Variants in TRPM3 observed in about 807,000 individuals in gnomAD.
TRPM3 encodes the protein long transient receptor potential channel 3.
TRPM3 carries 77 observed loss-of-function variants against 181.2 expected under a neutral mutation model. The ratio of observed to expected loss-of-function variants is 0.42; its 90% CI spans 0.35 to 0.51. TRPM3 has a LOEUF of 0.51. Among genes scored for constraint, TRPM3 ranks in the 20% least tolerant of loss-of-function variants. The probability of loss-of-function intolerance (pLI) is 0.01; values close to 1 mark genes in which losing one functional copy is unlikely to be tolerated. For missense variants in TRPM3, 1,759 were observed against 2,196.7 expected (o/e 0.80, Z 3.98); for synonymous variants, 745 against 796.4 (o/e 0.94, Z 1.09).
At chr9:71,126,611 CT>C (rs2074045348), upstream of TRPM3, among the ~76,000 whole-genome samples, 1 of 152,074 alleles carries the variant, frequency 6.6e-6, no homozygotes, top group South Asian at 2.1e-4. Flanking sequence ...TATATTTCCC[CT>C]TTTGCCATCT....
At chr9:70,871,573 C>T (rs1279072827) in intron 1 of TRPM3, among the ~76,000 whole-genome samples, 1 of 151,998 alleles carries the variant, frequency 6.6e-6, no homozygotes, top group Non-Finnish European at 1.5e-5. Flanking sequence ...CAGGTGAGCA[C>T]AGCAACTTTT....
At chr9:70,838,057 T>C (rs754794417) in intron 5 of TRPM3, among the ~76,000 whole-genome samples, 1 of 152,206 alleles carries the variant, frequency 6.6e-6, no homozygotes, top group Non-Finnish European at 1.5e-5. Flanking sequence ...ATTGTGGTTA[T>C]GCTCATAGAA....
chr9:71,154,757 T>A lies in TRPM3; in HGVS notation c.184-290246A>T, dbSNP rs535308412. Among the ~76,000 whole-genome samples the A allele has an allele frequency of 3.3e-5, 5 of 152,208 alleles. No individual in the cohort carries two copies. In the South Asian group the frequency reaches 1.0e-3, roughly 32 times the overall value. ...TCATCCCCTACTACTCAACTTCCCA[T>A]CTCTACAAAAGGAATTTTTCCCAAC... is the stretch of plus-strand genomic sequence containing the variant. On this transcript the variant is annotated intron_variant, in intron 1 of 24. Coordinates refer to the TRPM3 transcript ENST00000357533.
intron 1 of TRPM3, among the ~76,000 whole-genome samples, chr9:71,427,768 G>C (rs1307017928): frequency 6.6e-6 from 1 of 152,130 alleles, no homozygotes; most frequent in Non-Finnish European, 1.5e-5. Flanking sequence ...GGGAGGAGGA[G>C]GCAGGGGGCC....
Position 71,153,765 on chromosome 9 carries a change from T to G in TRPM3, c.184-289254A>C, listed in dbSNP as rs1302796972. On this transcript the variant is annotated intron_variant, in intron 1 of 24. Coordinates refer to the TRPM3 transcript ENST00000357533. The stretch of plus-strand genomic sequence containing the variant: ...CAGAGTGATTTGCACCCTCATTGAC[T>G]TGACCCAGAAGGCCATGCTTTTTCA... Among the ~76,000 whole-genome samples the G allele has an allele frequency of 2.0e-5, 3 of 152,132 alleles. No homozygotes were observed. The East Asian group carries it at 5.8e-4, about 29-fold the overall frequency.
chr9:71,391,968 G>C, intron 1 of TRPM3, among the ~76,000 whole-genome samples: 1 of 152,176 alleles, frequency 6.6e-6, no homozygotes, highest in East Asian at 1.9e-4. Context: ...AAAATTTAAA[G>C]ATAGAAGTTA....
At chr9:71,148,580 G>GA (rs1443292417) in intron 1 of TRPM3, among the ~76,000 whole-genome samples, 1 of 152,066 alleles carries the variant, frequency 6.6e-6, no homozygotes, top group African/African-American at 2.4e-5. Context: ...CTGACACCTG[G>GA]AAAATCTTAG....
intron 1 of TRPM3, among the ~76,000 whole-genome samples, chr9:71,387,017 T>C (rs2092939427): frequency 6.6e-6 from 1 of 152,222 alleles, no homozygotes; most frequent in Admixed American, 6.5e-5. Context: ...GCTCAACTGA[T>C]GGTTCTTACA....
intron 1 of TRPM3, among the ~76,000 whole-genome samples, chr9:71,390,766 A>C (rs1435937455): frequency 1.3e-5 from 2 of 152,086 alleles, no homozygotes; most frequent in African/African-American, 2.4e-5. Flanking sequence ...CAGCATGGTC[A>C]CTGTACTAGT....
chr9:71,354,973 T>G (rs2091834849), intron 1 of TRPM3, among the ~76,000 whole-genome samples: 1 of 152,258 alleles, frequency 6.6e-6, no homozygotes, highest in South Asian at 2.1e-4. Flanking sequence ...TTATTTGTTT[T>G]ACATCTATAG....
At chr9:70,578,150 C>T (rs2054547470) in intron 22 of TRPM3, among the ~76,000 whole-genome samples, 1 of 152,120 alleles carries the variant, frequency 6.6e-6, no homozygotes, top group African/African-American at 2.4e-5. Context: ...GTAAATATAA[C>T]TATTGAATCT....
intron 25 of TRPM3, among the ~76,000 whole-genome samples, chr9:70,543,485 C>A (rs889584266): frequency 6.6e-6 from 1 of 152,150 alleles, no homozygotes; most frequent in African/African-American, 2.4e-5. Flanking sequence ...CATCCCCTCT[C>A]CAATCCCCGA....
intron 1 of TRPM3, among the ~76,000 whole-genome samples, chr9:71,363,837 G>A (rs996808467): frequency 6.6e-6 from 1 of 152,098 alleles, no homozygotes; most frequent in Non-Finnish European, 1.5e-5. Flanking sequence ...TACAAGTTCT[G>A]TAAGGGTAGA....
chr9:71,304,254 T>C (rs902176817), intron 1 of TRPM3, among the ~76,000 whole-genome samples: 4 of 152,162 alleles, frequency 2.6e-5, no homozygotes, highest in Non-Finnish European at 4.4e-5. Flanking sequence ...AAGGATAGAG[T>C]TCTTCAGGTC....
At chr9:71,256,055 G>A (rs2132044985) in intron 1 of TRPM3, among the ~76,000 whole-genome samples, 1 of 152,296 alleles carries the variant, frequency 6.6e-6, no homozygotes, top group South Asian at 2.1e-4. Flanking sequence ...CCCATCTGAA[G>A]GCCATTCTAT....
At chr9:71,179,547 T>TTTAGATAATTCTGAACAAA (rs2077282088) in intron 1 of TRPM3, among the ~76,000 whole-genome samples, 1 of 152,130 alleles carries the variant, frequency 6.6e-6, no homozygotes, top group African/African-American at 2.4e-5. Flanking sequence ...ATTTGGACAG[T>TTTAGATAATTCTGAACAAA]TTAGATAATT....
At chr9:71,423,416 T>A (rs1588968209) in intron 1 of TRPM3, among the ~76,000 whole-genome samples, 1 of 152,160 alleles carries the variant, frequency 6.6e-6, no homozygotes, top group African/African-American at 2.4e-5. Flanking sequence ...ACATCTCATC[T>A]AAGCAATGAA....
chr9:71,042,966 T>C (rs1393429595), intron 1 of TRPM3, among the ~76,000 whole-genome samples: 1 of 152,226 alleles, frequency 6.6e-6, no homozygotes, highest in Non-Finnish European at 1.5e-5. Flanking sequence ...TTTGCTAAAC[T>C]GCAAGAGTTG....
At chr9:71,408,369 G>A (rs1438122174) in intron 1 of TRPM3, among the ~76,000 whole-genome samples, 2 of 152,096 alleles carry the variant, frequency 1.3e-5, no homozygotes, top group Non-Finnish European at 2.9e-5. Context: ...AAGATTAGAC[G>A]AATGGCTAAC....
Sources: gnomAD v4.1 joint callset for allele counts (sites outside exome capture counted in the v4.1 genomes callset) on GRCh38, gnomAD v4.1.1 for gene constraint, MANE v1.5 for transcripts, NCBI Gene and HGNC (gene_info 2026-07-23, HGNC 2026-07-21) for gene names.